The following PRKN variants were observed in gnomAD, a reference collection of about 807,000 sequenced individuals.
The protein encoded by PRKN is E3 ubiquitin-protein ligase parkin.
PRKN carries 56 observed loss-of-function variants against 59.5 expected under a neutral mutation model. The ratio of observed to expected loss-of-function variants is 0.94; its 90% CI spans 0.76 to 1.18. PRKN has a LOEUF of 1.18. PRKN is among the 50% of genes most tolerant of loss of function. The pLI, the probability that PRKN is intolerant of heterozygous loss-of-function variation, is 0.00. For missense variants in PRKN, 657 were observed against 596.4 expected (o/e 1.10, Z -1.06); for synonymous variants, 250 against 222.1 (o/e 1.13, Z -1.12).
intron 2 of PRKN, among the ~76,000 whole-genome samples, chr6:162,295,864 G>C (rs1306734812): frequency 6.6e-6 from 1 of 152,140 alleles, no homozygotes; most frequent in Non-Finnish European, 1.5e-5. Flanking sequence ...GACAGGCAGG[G>C]ACACCATCTG....
intron 3 of PRKN, among the ~76,000 whole-genome samples, chr6:162,216,720 C>G (rs1777688309): frequency 6.6e-6 from 1 of 152,020 alleles, no homozygotes; most frequent in African/African-American, 2.4e-5. Context: ...GCCACACAGC[C>G]AGGACACTTT....
At chr6:161,675,992 C>G (rs536663682) in intron 7 of PRKN, among the ~76,000 whole-genome samples, 95 of 152,336 alleles carry the variant, frequency 6.2e-4, no homozygotes, top group Non-Finnish European at 9.6e-4. Flanking sequence ...CTTGAGTTAT[C>G]TTTTCCTTCC....
Position 161,498,702 on chromosome 6 carries a change from T to A in PRKN, c.1083+50152A>T, listed in dbSNP as rs1408145535. Among the ~76,000 whole-genome samples, 4 of 152,188 alleles carry A rather than the reference T, an allele frequency of 2.6e-5. No homozygotes were observed. Among genetic ancestry groups the A allele is most frequent in the Non-Finnish European group, 4.4e-5 (3 of 68,024 alleles). Reference sequence around the variant, plus strand: ...GTCACATCAGTCTCCCTGCCAACCCTATTGGACAGGCCTTACGCGTGAGAA... The same window carrying A: ...GTCACATCAGTCTCCCTGCCAACCCAATTGGACAGGCCTTACGCGTGAGAA... On this transcript the variant is annotated intron_variant, in intron 9 of 11. Coordinates refer to ENST00000366898, the MANE Select transcript of PRKN (RefSeq NM_004562.3). The surrounding 1 kb of genome is among the most constrained non-coding windows in gnomAD (Gnocchi z 4.2).
chr6:161,943,603 C>A (rs1779646041), intron 6 of PRKN, among the ~76,000 whole-genome samples: 2 of 152,200 alleles, frequency 1.3e-5, no homozygotes, highest in Admixed American at 6.5e-5. Context: ...TCCCAGCAGC[C>A]TCTAAGGAAG....
chr6:162,417,719 C>T (rs1200648895), intron 2 of PRKN, among the ~76,000 whole-genome samples: 5 of 152,314 alleles, frequency 3.3e-5, no homozygotes, highest in African/African-American at 7.2e-5. Flanking sequence ...TGTCCGTTAA[C>T]GTTTATGGCT....
intron 4 of PRKN, among the ~76,000 whole-genome samples, chr6:162,159,032 C>T (rs990463377): frequency 2.0e-5 from 3 of 151,960 alleles, no homozygotes; most frequent in Admixed American, 6.6e-5. Context: ...TAGTCAGAGC[C>T]CATTTACTTG....
At chr6:162,026,399 C>G (rs2128277759) in intron 5 of PRKN, among the ~76,000 whole-genome samples, 1 of 152,286 alleles carries the variant, frequency 6.6e-6, no homozygotes, top group African/African-American at 2.4e-5. Context: ...TGGAAAGAAC[C>G]AGAATGTAGG....
intron 4 of PRKN, among the ~76,000 whole-genome samples, chr6:162,166,950 G>A (rs1238895614): frequency 6.6e-6 from 1 of 152,032 alleles, no homozygotes; most frequent in Non-Finnish European, 1.5e-5. Flanking sequence ...ACTCCTCAAT[G>A]TACTTCCCAA....
At chr6:161,830,601 C>T (rs12665009) in intron 6 of PRKN, among the ~76,000 whole-genome samples, 1,838 of 152,082 alleles carry the variant, frequency 0.012, 20 homozygotes, top group East Asian at 0.045. Flanking sequence ...TGCTACTTGG[C>T]GCAAGGCATT....
At chr6:162,534,829 C>T (rs1181934277) in intron 1 of PRKN, among the ~76,000 whole-genome samples, 6 of 152,128 alleles carry the variant, frequency 3.9e-5, no homozygotes, top group Admixed American at 2.0e-4. Flanking sequence ...GTGCACTTTC[C>T]GCTTCCCAAA....
chr6:161,734,335 C>T (rs1787878061), intron 7 of PRKN, among the ~76,000 whole-genome samples: 1 of 152,170 alleles, frequency 6.6e-6, no homozygotes. Context: ...ATTAGGCTGA[C>T]ATCTTCCCTA....
chr6:161,411,995 C>T (rs1172102535), intron 9 of PRKN, among the ~76,000 whole-genome samples: 1 of 64,858 alleles, frequency 1.5e-5, no homozygotes, highest in Non-Finnish European at 3.2e-5. Context: ...TTCATTCCTT[C>T]CTCACTCATT....
chr6:161,377,593 A>C lies in PRKN; in HGVS notation c.1167+9201T>G, dbSNP rs1785777040. Reference sequence around the variant, plus strand: ...CAGAGCCTTGGGCAACGCAACTGCTATGGTCCGAGTGTTTGTGTCTCCCCA... The same window carrying C: ...CAGAGCCTTGGGCAACGCAACTGCTCTGGTCCGAGTGTTTGTGTCTCCCCA... On this transcript the variant is annotated intron_variant, in intron 10 of 11. Transcript: ENST00000366898. The surrounding 1 kb of genome is among the most constrained non-coding windows in gnomAD (Gnocchi z 4.2). 6.6e-6 allele frequency among the ~76,000 whole-genome samples: 1 copy of C among 152,220 alleles called. No homozygotes were observed. The highest frequency in any genetic ancestry group is 2.4e-5 in the African/African-American group (1 of 41,468).
chr6:162,224,050 G>A (rs565363324), intron 3 of PRKN, among the ~76,000 whole-genome samples: 2 of 152,022 alleles, frequency 1.3e-5, no homozygotes, highest in Middle Eastern at 3.4e-3. Flanking sequence ...GCTTTGAGTC[G>A]ATGGCCCCTC....
intron 1 of PRKN, among the ~76,000 whole-genome samples, chr6:162,674,834 C>T (rs1489975456): frequency 6.6e-6 from 1 of 152,016 alleles, no homozygotes; most frequent in African/African-American, 2.4e-5. Context: ...GGAAACAAGA[C>T]AAGACAGTCG....
intron 6 of PRKN, among the ~76,000 whole-genome samples, chr6:161,972,520 T>A (rs934479765): frequency 3.3e-5 from 5 of 152,320 alleles, no homozygotes; most frequent in Non-Finnish European, 7.3e-5. Flanking sequence ...TTTCCCTTTT[T>A]TTACTAACAG....
chr6:161,937,818 TTTGTC>T (rs1451894314), intron 6 of PRKN, among the ~76,000 whole-genome samples: 1 of 152,204 alleles, frequency 6.6e-6, no homozygotes, highest in Non-Finnish European at 1.5e-5. Context: ...GACAAAGCCT[TTTGTC>T]TTTCTTCTTA....
At chr6:161,425,207 A>G (rs903596411) in intron 9 of PRKN, among the ~76,000 whole-genome samples, 6 of 152,132 alleles carry the variant, frequency 3.9e-5, no homozygotes, top group Non-Finnish European at 5.9e-5. Context: ...CTAGTCTTGG[A>G]AGAGCTGAAA....
chr6:161,496,744 C>A (rs1777766029), intron 9 of PRKN, among the ~76,000 whole-genome samples: 1 of 152,120 alleles, frequency 6.6e-6, no homozygotes, highest in East Asian at 1.9e-4. Flanking sequence ...TAGGTTGGCT[C>A]TAACTGAAAC....
Sources: allele counts gnomAD v4.1 joint callset (sites outside exome capture counted in the v4.1 genomes callset), GRCh38; gene constraint gnomAD v4.1.1; non-coding constraint Gnocchi (gnomAD v3.1); transcripts MANE v1.5; gene names NCBI Gene and HGNC (gene_info 2026-07-23, HGNC 2026-07-21).